Variants in ECT2 observed in about 807,000 individuals in gnomAD.
The protein encoded by ECT2 is epithelial cell transforming 2.
In ECT2, 61 loss-of-function variants were observed where a neutral mutation model predicts 116.9. The ratio of observed to expected loss-of-function variants is 0.52; its 90% CI spans 0.42 to 0.65. ECT2 has a LOEUF of 0.65. ECT2 is among the 30% of genes least tolerant of loss of function. The pLI is 0.00. For missense variants in ECT2, 937 were observed against 1,078.7 expected, an observed-to-expected ratio of 0.87 and a Z score of 1.84; for synonymous variants, 358 against 346.4, an observed-to-expected ratio of 1.03 and a Z score of -0.37.
intron 15 of ECT2, 30 bp from the exon 16 acceptor site, chr3:172,783,765 TAATA>T (rs1157154009): frequency 6.6e-6 from 9 of 1,364,650 alleles, no homozygotes; most frequent in Non-Finnish European, 9.4e-6. Flanking sequence ...GACAAATGCA[TAATA>T]AATAATGTTT....
chr3:172,810,629 G>C (rs552569533), intron 22 of ECT2, among the ~76,000 whole-genome samples: 1 of 152,224 alleles, frequency 6.6e-6, no homozygotes, highest in African/African-American at 2.4e-5. Flanking sequence ...TGAGGCACAG[G>C]CTAAAGGGAG....
intron 14 of ECT2, among the ~76,000 whole-genome samples, chr3:172,779,255 C>T (rs1722282568): frequency 6.6e-6 from 1 of 152,120 alleles, no homozygotes; most frequent in African/African-American, 2.4e-5. Flanking sequence ...TTATATTGCC[C>T]CAAGATTAGA....
At chr3:172,818,473 C>T (rs1473598812) in intron 24 of ECT2, 12 of 886,954 alleles carry the variant, frequency 1.4e-5, no homozygotes, top group Non-Finnish European at 8.4e-6. Flanking sequence ...TAATAGACAG[C>T]ATATGTAAGA....
At chr3:172,754,747 C>A in intron 2 of ECT2, 87 bp downstream of exon 2, 2 of 1,001,758 alleles carry the variant, frequency 2.0e-6, no homozygotes, top group South Asian at 1.8e-5. Context: ...ATTTTAATAC[C>A]AACTGTAATG....
At position 172,816,965 on chromosome 3, in the gene ECT2, A is replaced by G. The variant is rs1274294821; in HGVS notation, c.2655+128A>G. On this transcript the variant is annotated intron_variant, in intron 24 of 24. Coordinates refer to ENST00000392692, the MANE Select transcript of ECT2 (RefSeq NM_001258315.2). ...TTTTAATAATTTTATTTAACCCAGT[A>G]TGCTAAAATATTATCATTTGAATGC... 4.5e-6 allele frequency: 3 copies of G among 659,670 alleles called. No individual in the cohort carries two copies. In the Admixed American group the frequency reaches 9.3e-5, roughly 21 times the overall value. 40.9% of individuals were successfully genotyped at this position (659,670 alleles called of 1,614,324 possible).
chr3:172,755,605 A>G (rs1436001968), intron 4 of ECT2, 30 bp downstream of exon 4: 3 of 1,134,410 alleles, frequency 2.6e-6, no homozygotes, highest in South Asian at 1.5e-5. Flanking sequence ...TGCATGTGGC[A>G]TGCTGCACTT....
At chr3:172,764,169 T>TA in intron 11 of ECT2, 109 bp from the exon 12 acceptor site, 1 of 958,598 alleles carries the variant, frequency 1.0e-6, no homozygotes, top group Non-Finnish European at 1.5e-6. Flanking sequence ...GTTATAAAAT[T>TA]ATTGTGCAAA....
At chr3:172,758,346 G>T (rs1717487191) in intron 5 of ECT2, among the ~76,000 whole-genome samples, 1 of 151,988 alleles carries the variant, frequency 6.6e-6, no homozygotes, top group South Asian at 2.1e-4. Context: ...CTTACATTTT[G>T]ATTTGGAGTG....
rs1054794757 is a variant in ECT2 at position 172,768,167 on chromosome 3, G to C, written c.1292-840G>C. ...TTTCAGTTAATATTGGGTTTTTTGTGGGGGGGCTTCTTTTTGACATAAGTA... is the reference window on the plus strand; with the variant it reads ...TTTCAGTTAATATTGGGTTTTTTGTCGGGGGGCTTCTTTTTGACATAAGTA... On this transcript the variant is annotated intron_variant, in intron 12 of 24. Coordinates refer to ENST00000392692, the MANE Select transcript of ECT2 (RefSeq NM_001258315.2). Among the ~76,000 whole-genome samples, 13 of 152,064 alleles carry C rather than the reference G, an allele frequency of 8.5e-5. No individual in the cohort carries two copies. The East Asian group carries it at 2.3e-3, about 27-fold the overall frequency.
At chr3:172,764,585 A>C in intron 12 of ECT2, 85 bp downstream of exon 12, 1 of 1,230,262 alleles carries the variant, frequency 8.1e-7, no homozygotes, top group South Asian at 1.3e-5. Context: ...TGATATAGTG[A>C]ATATGGAAGT....
chr3:172,803,327 G>A (rs1727070080), intron 20 of ECT2, among the ~76,000 whole-genome samples: 1 of 152,082 alleles, frequency 6.6e-6, no homozygotes, highest in Admixed American at 6.6e-5. Flanking sequence ...AATTTCAGTA[G>A]ATTTTTTCCA....
At chr3:172,793,945 GT>G (rs988871233) in intron 18 of ECT2, among the ~76,000 whole-genome samples, 16 of 151,164 alleles carry the variant, frequency 1.1e-4, no homozygotes, top group Admixed American at 2.0e-4. Flanking sequence ...AAAAAATTGT[GT>G]TTTTTTTGTA....
At chr3:172,809,156 A>T (rs1393790950) in intron 22 of ECT2, among the ~76,000 whole-genome samples, 1 of 152,082 alleles carries the variant, frequency 6.6e-6, no homozygotes, top group Non-Finnish European at 1.5e-5. Context: ...TTAATGCAGA[A>T]ATTACTCCTG....
rs1243160121 is a variant in ECT2, at chr3:172,821,135, G to A, written c.*898G>A. On this transcript the variant is annotated 3_prime_UTR_variant, in exon 25 of 25. Coordinates refer to ENST00000392692, the MANE Select transcript of ECT2 (RefSeq NM_001258315.2). ...CTGTGAAATGCATAGATATGCGCATGTTCAACTTTTTATTGTGGTCTTATA... is the reference window on the plus strand; with the variant it reads ...CTGTGAAATGCATAGATATGCGCATATTCAACTTTTTATTGTGGTCTTATA... 2 of 151,854 alleles carry A rather than the reference G, an allele frequency of 1.3e-5. No homozygotes were observed. Among genetic ancestry groups the A allele is most frequent in the African/African-American group, 2.4e-5 (1 of 41,408 alleles). 9.4% of individuals were successfully genotyped at this position (151,854 alleles called of 1,614,324 possible). A position where few individuals can be genotyped will look rare whatever the true frequency, so the allele number is the denominator to read the frequency against.
intron 22 of ECT2, among the ~76,000 whole-genome samples, chr3:172,808,396 T>C (rs1179316463): frequency 6.6e-6 from 1 of 151,990 alleles, no homozygotes; most frequent in East Asian, 1.9e-4. Flanking sequence ...AAAAATCTTA[T>C]TGAAAGCAAG....
intron 14 of ECT2, among the ~76,000 whole-genome samples, chr3:172,775,724 C>G (rs541061048): frequency 6.6e-6 from 1 of 151,424 alleles, no homozygotes; most frequent in African/African-American, 2.4e-5. Flanking sequence ...ACCTCTGCCT[C>G]CCGGGTTCAA....
intron 18 of ECT2, among the ~76,000 whole-genome samples, chr3:172,795,261 G>A (rs1158973314): frequency 6.6e-6 from 1 of 150,618 alleles, no homozygotes; most frequent in African/African-American, 2.5e-5. Context: ...AGGAGGTGGA[G>A]GTTGCAGTGA....
At chr3:172,779,668 G>T (rs1722343717) in intron 14 of ECT2, among the ~76,000 whole-genome samples, 1 of 152,180 alleles carries the variant, frequency 6.6e-6, no homozygotes, top group African/African-American at 2.4e-5. Flanking sequence ...CACTTTGGAA[G>T]GCTGAGGCAG....
chr3:172,805,152 T>G (rs1727443836), intron 20 of ECT2, among the ~76,000 whole-genome samples: 1 of 152,162 alleles, frequency 6.6e-6, no homozygotes. Context: ...TAATAAATGG[T>G]AGAAACATTC....
Sources: gnomAD v4.1 joint callset for allele counts (sites outside exome capture counted in the v4.1 genomes callset) on GRCh38, gnomAD v4.1.1 for gene constraint, MANE v1.5 for transcripts, NCBI Gene and HGNC (gene_info 2026-07-23, HGNC 2026-07-21) for gene names.